LPCAT1: variants seen among roughly 807,000 people sequenced by gnomAD.
LPCAT1 encodes the protein lysophosphatidylcholine acyltransferase 1.
In LPCAT1, 23 loss-of-function variants were observed where a neutral mutation model predicts 60.9. That is an observed-to-expected ratio of 0.38 (90% CI 0.27 to 0.53). The LOEUF (loss-of-function observed/expected upper bound fraction) is 0.53, where lower values mean the gene tolerates loss of function less well. Among genes scored for constraint, LPCAT1 ranks in the 20% least tolerant of loss-of-function variants. The pLI is 0.82. For missense variants in LPCAT1, 622 were observed against 723.6 expected (o/e 0.86, Z 1.61); for synonymous variants, 340 against 301.1 (o/e 1.13, Z -1.34).
In LPCAT1 at chr5:1,466,848, G is replaced by A; in HGVS notation, c.1321C>T (p.Leu441=). Residue 441 remains leucine (L), a synonymous_variant, in exon 13 of 14, where the codon CTG becomes TTG. Transcript: ENST00000283415. ...AGGGCCGTCTTGAGGATGCAGGACA[G>A]GTCACCTTCGCCGACGCTGCCGTCC... ...QEDGSVGEGD[L]SCILKTALGV... The A allele has an allele frequency of 2.5e-6, 4 of 1,610,068 alleles. No homozygotes were observed. The highest frequency in any genetic ancestry group is 3.4e-6 in the Non-Finnish European group (4 of 1,177,594).
At position 1,494,711 on chromosome 5, in the gene LPCAT1, G is replaced by A. The variant is rs374772443; in HGVS notation, c.482C>T (p.Pro161Leu). 2.8e-5 allele frequency: 45 copies of A among 1,614,032 alleles called. No homozygotes were observed. Among genetic ancestry groups the A allele is most frequent in the Admixed American group, 8.3e-5 (5 of 60,008 alleles). The change falls in exon 3 of 14, where the codon CCG (proline) becomes CTG (leucine). Residue 161 changes from proline (P) to leucine (L), a missense_variant. Pro to Leu is a moderately conservative substitution (Grantham distance 98, BLOSUM62 -3). Transcript: ENST00000283415. ...GGTGTCTCACTCACTTCCCCAGATC[G>A]GGATGTCTCTGCTCTCTGCCTTCAT... ...IVMKAESRDI[P>L]IWGTLIQYIR...
At chr5:1,489,124 G>A (rs1735475705) in intron 4 of LPCAT1, among the ~76,000 whole-genome samples, 1 of 152,238 alleles carries the variant, frequency 6.6e-6, no homozygotes, top group African/African-American at 2.4e-5. Flanking sequence ...GGCCAAATGG[G>A]TGGGGGAGGA....
chr5:1,485,884 T>C (rs1443771648), intron 5 of LPCAT1, among the ~76,000 whole-genome samples: 1 of 152,220 alleles, frequency 6.6e-6, no homozygotes, highest in Non-Finnish European at 1.5e-5. Context: ...CAGTGAGAGC[T>C]GCGTCCACTT....
At chr5:1,467,755 T>C (rs1248798186) in intron 12 of LPCAT1, among the ~76,000 whole-genome samples, 1 of 152,120 alleles carries the variant, frequency 6.6e-6, no homozygotes, top group Non-Finnish European at 1.5e-5. Flanking sequence ...CGCTTTCCTC[T>C]GAGGTCCCGA....
chr5:1,494,360 G>A (rs1168892474), intron 3 of LPCAT1, among the ~76,000 whole-genome samples: 1 of 152,194 alleles, frequency 6.6e-6, no homozygotes, highest in Non-Finnish European at 1.5e-5. Context: ...CAGAAAATGG[G>A]GCACAAGGCC....
At chr5:1,518,795 A>G (rs1560997830) in intron 1 of LPCAT1, among the ~76,000 whole-genome samples, 1 of 152,240 alleles carries the variant, frequency 6.6e-6, no homozygotes, top group Non-Finnish European at 1.5e-5. Context: ...GGACCCAGGC[A>G]AGAGGCCAGC....
rs753699994 is a variant in LPCAT1, at chr5:1,494,744, G to A, written c.449C>T (p.Ser150Phe). ...DAIPVTMTMSSIVMKAESRDI... is the reference protein window; with the variant it reads ...DAIPVTMTMSFIVMKAESRDI... ...TCTGCTCTCTGCCTTCATCACGATG[G>A]AGGACATCGTCATGGTCACAGGGAT... The change falls in exon 3 of 14, where the codon TCC becomes TTC. Residue 150 changes from serine (S) to phenylalanine (F), a missense_variant. By Grantham distance (155) the Ser-to-Phe change is radical. Around this residue, in one of 3 missense-constraint regions of LPCAT1, gnomAD observed 209 missense variants for 325.5 expected, o/e 0.64. Coordinates refer to ENST00000283415, the MANE Select transcript of LPCAT1 (RefSeq NM_024830.5). 1 of 1,614,206 alleles carries A rather than the reference G, an allele frequency of 6.2e-7. No homozygotes were observed. The highest frequency in any genetic ancestry group is 8.5e-7 in the Non-Finnish European group (1 of 1,180,028).
intron 8 of LPCAT1, among the ~76,000 whole-genome samples, chr5:1,479,208 C>T (rs1735034401): frequency 6.6e-6 from 1 of 152,144 alleles, no homozygotes; most frequent in Admixed American, 6.6e-5. Context: ...CCAGCCTAGG[C>T]AACAAAGTGA....
At position 1,462,348 on chromosome 5, in the gene LPCAT1, G is replaced by A. The variant is rs1201201672; in HGVS notation, c.*1303C>T. 1.3e-5 allele frequency: 2 copies of A among 152,512 alleles called. No individual in the cohort carries two copies. Among genetic ancestry groups the A allele is most frequent in the African/African-American group, 4.8e-5 (2 of 41,422 alleles). The allele number at this position is 152,512 out of a possible 1,614,324, so 9.4% of individuals were successfully genotyped here. On this transcript the variant is annotated 3_prime_UTR_variant, in exon 14 of 14. Transcript: ENST00000283415. Reference sequence around the variant, plus strand: ...TGATGAAACAAGGTGATGTCAGAGGGACTTCAGGTGACACCAAAATACCCC... The same window carrying A: ...TGATGAAACAAGGTGATGTCAGAGGAACTTCAGGTGACACCAAAATACCCC...
At chr5:1,518,325 C>T (rs1487400177) in intron 1 of LPCAT1, among the ~76,000 whole-genome samples, 1 of 152,246 alleles carries the variant, frequency 6.6e-6, no homozygotes. Context: ...GTCCCGGGCA[C>T]AGTAAAAACT....
chr5:1,466,858 G>T lies in LPCAT1; in HGVS notation c.1311C>A (p.Gly437=). Residue 437 remains glycine, a synonymous_variant, in exon 13 of 14, where the codon GGC becomes GGA. Coordinates refer to ENST00000283415, the MANE Select transcript of LPCAT1 (RefSeq NM_024830.5). ...TGAGGATGCAGGACAGGTCACCTTC[G>T]CCGACGCTGCCGTCCTCTTGCGCTC... ...MYGAQEDGSV[G]EGDLSCILKT... is the part of the protein sequence containing the mutation. 2 of 1,608,586 alleles carry T rather than the reference G, an allele frequency of 1.2e-6. No individual in the cohort carries two copies. Among genetic ancestry groups the T allele is most frequent in the Non-Finnish European group, 1.7e-6 (2 of 1,176,778 alleles).
rs1274023592 is a variant in LPCAT1 at position 1,502,703 on chromosome 5, A to G, written c.136-1100T>C. 6.6e-6 allele frequency among the ~76,000 whole-genome samples: 1 copy of G among 152,088 alleles called. No individual in the cohort carries two copies. The highest frequency in any genetic ancestry group is 1.5e-5 in the Non-Finnish European group (1 of 68,010). On this transcript the variant is annotated intron_variant, in intron 1 of 13. Coordinates refer to ENST00000283415, the MANE Select transcript of LPCAT1 (RefSeq NM_024830.5). This position sits in a 1 kb window ranked among gnomAD's most constrained non-coding sequence, Gnocchi z 5.5. ...CCTGAGGTGCAGGTTTAGTGCAGAGACAGAAAAGACCCAGGAGACACAGAT... is the reference window on the plus strand; with the variant it reads ...CCTGAGGTGCAGGTTTAGTGCAGAGGCAGAAAAGACCCAGGAGACACAGAT...
At chr5:1,489,123 G>C (rs1260827747) in intron 4 of LPCAT1, among the ~76,000 whole-genome samples, 1 of 152,220 alleles carries the variant, frequency 6.6e-6, no homozygotes, top group African/African-American at 2.4e-5. Flanking sequence ...AGGCCAAATG[G>C]GTGGGGGAGG....
At chr5:1,506,094 T>A (rs1192112380) in intron 1 of LPCAT1, among the ~76,000 whole-genome samples, 6 of 152,032 alleles carry the variant, frequency 3.9e-5, no homozygotes, top group African/African-American at 1.4e-4. Flanking sequence ...ACAGGGCTGA[T>A]GAGGGGAGGG....
In LPCAT1 at chr5:1,521,747, A is replaced by G. The variant is rs1394668662; in HGVS notation, c.135+1963T>C. Among the ~76,000 whole-genome samples, 1 of 152,112 alleles carries G rather than the reference A, an allele frequency of 6.6e-6. No homozygotes were observed. The highest frequency in any genetic ancestry group is 6.5e-5 in the Admixed American group (1 of 15,276). ...CTGCCTGGCTTCGGCCCAAGGGAGA[A>G]CAGCTGCCCAAAGCCTTCAATCTCG... On this transcript the variant is annotated intron_variant, in intron 1 of 13. Coordinates refer to ENST00000283415, the MANE Select transcript of LPCAT1 (RefSeq NM_024830.5). This position sits in a 1 kb window ranked among gnomAD's most constrained non-coding sequence, Gnocchi z 4.3.
At position 1,477,275 on chromosome 5, in the gene LPCAT1, A is replaced by G. The variant is rs566095988; in HGVS notation, c.899+129T>C. 1.1e-5 allele frequency: 8 copies of G among 725,110 alleles called. No homozygotes were observed. The highest frequency in any genetic ancestry group is 7.0e-5 in the African/African-American group (4 of 57,154). The allele number at this position is 725,110 out of a possible 1,614,324, so 44.9% of individuals were successfully genotyped here. A position where few individuals can be genotyped will look rare whatever the true frequency, so the allele number is the denominator to read the frequency against. On this transcript the variant is annotated intron_variant, in intron 9 of 13. Coordinates refer to ENST00000283415, the MANE Select transcript of LPCAT1 (RefSeq NM_024830.5). The surrounding 1 kb of genome is among the most constrained non-coding windows in gnomAD (Gnocchi z 6.0). ...GGCCAAGCACGCTTCACCAACATGC[A>G]TGAAGCTGGTTCCCGCACTTCTGCA...
At chr5:1,468,851 G>A (rs1360834623) in intron 12 of LPCAT1, among the ~76,000 whole-genome samples, 1 of 152,234 alleles carries the variant, frequency 6.6e-6, no homozygotes, top group Non-Finnish European at 1.5e-5. Context: ...TGTCCCAAGA[G>A]CAGCACGCTG....
intron 2 of LPCAT1, among the ~76,000 whole-genome samples, chr5:1,497,155 G>T (rs908901496): frequency 1.3e-5 from 2 of 152,210 alleles, no homozygotes; most frequent in African/African-American, 4.8e-5. Context: ...GGAAGAACAG[G>T]GCGCTGAGGA....
intron 12 of LPCAT1, among the ~76,000 whole-genome samples, chr5:1,469,067 A>G (rs1432294778): frequency 6.6e-6 from 1 of 152,240 alleles, no homozygotes. Flanking sequence ...AAGGCAGGGC[A>G]TATGCCGTCA....
Sources: allele counts gnomAD v4.1 joint callset (sites outside exome capture counted in the v4.1 genomes callset), GRCh38; gene constraint gnomAD v4.1.1; regional missense constraint gnomAD v4.1.1; non-coding constraint Gnocchi (gnomAD v3.1); transcripts MANE v1.5; gene names NCBI Gene and HGNC (gene_info 2026-07-23, HGNC 2026-07-21).